The following CTNNA3 variants were observed in gnomAD, a reference collection of about 807,000 sequenced individuals.
The protein encoded by CTNNA3 is catenin alpha 3.
In CTNNA3, 76 loss-of-function variants were observed where a neutral mutation model predicts 95.7. That is an observed-to-expected ratio of 0.79 (90% CI 0.66 to 0.96). The LOEUF (loss-of-function observed/expected upper bound fraction) is 0.96. Ranked by LOEUF, CTNNA3 falls within the 40% of genes least tolerant of loss-of-function variation. CTNNA3 has a pLI of 0.00. For synonymous variants in CTNNA3, 431 were observed against 374.4 expected (o/e 1.15, Z -1.74); for missense variants, 1,191 against 1,089.8 (o/e 1.09, Z -1.31).
In CTNNA3 at chr10:66,412,786, G is replaced by T. The variant is rs146782317; in HGVS notation, c.1532-33434C>A. ...AAATATTAATTTTTATTTAATGTGAGCCAGTATCTTTTTTATTGTTCCTGG... is the reference window on the plus strand; with the variant it reads ...AAATATTAATTTTTATTTAATGTGATCCAGTATCTTTTTTATTGTTCCTGG... On this transcript the variant is annotated intron_variant, in intron 11 of 17. Transcript: ENST00000433211. Among the ~76,000 whole-genome samples the T allele has an allele frequency of 1.1e-3, 160 of 151,866 alleles. 1 individual carries two copies. The highest frequency in any genetic ancestry group is 3.4e-3 in the African/African-American group (142 of 41,378).
At chr10:66,072,209 T>C (rs1479954854) in intron 14 of CTNNA3, among the ~76,000 whole-genome samples, 1 of 152,168 alleles carries the variant, frequency 6.6e-6, no homozygotes, top group African/African-American at 2.4e-5. Flanking sequence ...TCTGATTACA[T>C]CTATTCTGAA....
chr10:67,226,485 T>C (rs1864920671), intron 5 of CTNNA3, among the ~76,000 whole-genome samples: 2 of 152,114 alleles, frequency 1.3e-5, no homozygotes, highest in African/African-American at 4.8e-5. Context: ...AAGCACCAGG[T>C]AACCTACAAA....
chr10:67,201,269 T>C (rs964688402), intron 6 of CTNNA3, among the ~76,000 whole-genome samples: 8 of 152,174 alleles, frequency 5.3e-5, no homozygotes, highest in South Asian at 2.1e-4. Flanking sequence ...TCAAAACTCA[T>C]GGATATTGTC....
At chr10:66,615,808 AC>A (rs1211400088) in intron 10 of CTNNA3, among the ~76,000 whole-genome samples, 4 of 151,908 alleles carry the variant, frequency 2.6e-5, no homozygotes, top group African/African-American at 9.7e-5. Flanking sequence ...ACTCCTGATG[AC>A]CCATGTGCTT....
intron 15 of CTNNA3, among the ~76,000 whole-genome samples, chr10:66,065,346 T>C (rs1199907537): frequency 6.6e-6 from 1 of 152,106 alleles, no homozygotes; most frequent in Non-Finnish European, 1.5e-5. Context: ...CCATTTCCTC[T>C]TTCCCTTCAG....
chr10:67,621,522 G>A (rs956563627), intron 2 of CTNNA3, among the ~76,000 whole-genome samples: 1 of 152,144 alleles, frequency 6.6e-6, no homozygotes. Flanking sequence ...GGCTGAGGCA[G>A]ACGGATCACG....
At chr10:67,058,136 C>T (rs1589674804) in intron 7 of CTNNA3, among the ~76,000 whole-genome samples, 1 of 152,088 alleles carries the variant, frequency 6.6e-6, no homozygotes, top group Non-Finnish European at 1.5e-5. Flanking sequence ...ATATTTAATA[C>T]CTCGAATTAC....
intron 10 of CTNNA3, among the ~76,000 whole-genome samples, chr10:66,572,993 G>A (rs1842914039): frequency 6.6e-6 from 1 of 152,086 alleles, no homozygotes; most frequent in African/African-American, 2.4e-5. Flanking sequence ...ATGAAAAATG[G>A]AATGCTGGGG....
At chr10:66,283,924 T>C (rs2091538053) in intron 12 of CTNNA3, among the ~76,000 whole-genome samples, 1 of 151,870 alleles carries the variant, frequency 6.6e-6, no homozygotes, top group African/African-American at 2.4e-5. Flanking sequence ...CTGTCTTTAC[T>C]CCATAATCTA....
intron 3 of CTNNA3, among the ~76,000 whole-genome samples, chr10:67,556,655 A>G (rs779706095): frequency 9.9e-5 from 15 of 151,396 alleles, no homozygotes; most frequent in Non-Finnish European, 1.8e-4. Context: ...TTTCTTCTTT[A>G]TTAGTCTTCA....
At chr10:65,978,041 T>C (rs1158149934) in intron 16 of CTNNA3, among the ~76,000 whole-genome samples, 1 of 152,010 alleles carries the variant, frequency 6.6e-6, no homozygotes, top group East Asian at 1.9e-4. Flanking sequence ...TCATCAATGA[T>C]CTCATCTTTT....
chr10:66,803,593 G>T (rs1211853114), intron 7 of CTNNA3, among the ~76,000 whole-genome samples: 4 of 151,892 alleles, frequency 2.6e-5, no homozygotes, highest in African/African-American at 9.7e-5. Context: ...ATAACAACAT[G>T]AACCATTTAT....
chr10:66,894,659 A>G (rs935237412), intron 7 of CTNNA3, among the ~76,000 whole-genome samples: 1 of 152,014 alleles, frequency 6.6e-6, no homozygotes, highest in Non-Finnish European at 1.5e-5. Context: ...TATTCCTCAT[A>G]TTTGTGTGAA....
intron 9 of CTNNA3, among the ~76,000 whole-genome samples, chr10:66,661,248 G>C (rs557447703): frequency 1.3e-5 from 2 of 152,194 alleles, no homozygotes; most frequent in East Asian, 3.9e-4. Flanking sequence ...AGTTTAATTG[G>C]ATTTATAGTT....
chr10:67,530,289 G>A (rs1840287488), intron 4 of CTNNA3, among the ~76,000 whole-genome samples: 1 of 152,220 alleles, frequency 6.6e-6, no homozygotes, highest in Non-Finnish European at 1.5e-5. Flanking sequence ...AAGAAGACAT[G>A]AAAATGTGGG....
intron 7 of CTNNA3, among the ~76,000 whole-genome samples, chr10:67,069,500 A>G (rs1856304159): frequency 6.6e-6 from 1 of 152,114 alleles, no homozygotes; most frequent in South Asian, 2.1e-4. Context: ...AACTGAATAC[A>G]TCTATGTAAG....
At position 66,379,283 on chromosome 10, in the gene CTNNA3, T is replaced by G. The variant is rs759055402; in HGVS notation, c.1601A>C (p.Asp534Ala). Reference sequence around the variant, plus strand: ...GCCTCTGATAGCACCCGCAGCACGGTCTAAATTATCAGCATCCTGGTCTCT... The same window carrying G: ...GCCTCTGATAGCACCCGCAGCACGGGCTAAATTATCAGCATCCTGGTCTCT... The part of the protein sequence containing the change: ...ALRDQDADNL[D>A]RAAGAIRGRA... The change falls in exon 12 of 18, where the codon GAC becomes GCC. Residue 534 changes from aspartate (D) to alanine (A), a missense_variant. Coordinates refer to ENST00000433211, the MANE Select transcript of CTNNA3 (RefSeq NM_013266.4). The G allele has an allele frequency of 2.5e-6, 4 of 1,614,112 alleles. No homozygotes were observed. The South Asian group carries it at 4.4e-5, about 18-fold the overall frequency.
At chr10:67,503,919 A>T (rs932513776) in intron 5 of CTNNA3, among the ~76,000 whole-genome samples, 1 of 152,172 alleles carries the variant, frequency 6.6e-6, no homozygotes, top group Non-Finnish European at 1.5e-5. Context: ...GCACTTTGGG[A>T]GGCCAAGGCG....
intron 1 of CTNNA3, among the ~76,000 whole-genome samples, chr10:67,734,874 A>T (rs183902684): frequency 3.9e-5 from 6 of 152,276 alleles, no homozygotes; most frequent in Admixed American, 3.3e-4. Context: ...GGTTTTTTTT[A>T]AATAAAACCT....
Sources: allele counts gnomAD v4.1 joint callset (sites outside exome capture counted in the v4.1 genomes callset), GRCh38; gene constraint gnomAD v4.1.1; transcripts MANE v1.5; gene names NCBI Gene and HGNC (gene_info 2026-07-23, HGNC 2026-07-21).